Variants in LIMD1 observed in about 807,000 individuals in gnomAD.
LIMD1 encodes LIM domain-containing protein 1.
A neutral mutation model predicts 58.4 loss-of-function variants in LIMD1; 23 were observed. The observed-to-expected ratio is 0.39, with a 90% CI of 0.28 to 0.56. The LOEUF (loss-of-function observed/expected upper bound fraction) is 0.56, where lower values mean the gene tolerates loss of function less well. Ranked by LOEUF, LIMD1 falls within the 20% of genes least tolerant of loss-of-function variation. The probability of loss-of-function intolerance (pLI) is 0.57; values close to 1 mark genes in which losing one functional copy is unlikely to be tolerated. For synonymous variants in LIMD1, 334 were observed against 345.5 expected (o/e 0.97, Z 0.37); for missense variants, 838 against 855.5 (o/e 0.98, Z 0.25).
At chr3:45,611,943 T>A (rs1701528316) in intron 1 of LIMD1, among the ~76,000 whole-genome samples, 1 of 152,042 alleles carries the variant, frequency 6.6e-6, no homozygotes, top group South Asian at 2.1e-4. Context: ...TGCCCAAATT[T>A]GTAGCCAGAG....
At chr3:45,675,974 TG>T (rs757936703) in intron 7 of LIMD1, among the ~76,000 whole-genome samples, 1 of 152,256 alleles carries the variant, frequency 6.6e-6, no homozygotes, top group African/African-American at 2.4e-5. Context: ...AAAATCCTGC[TG>T]GGCGTGGTGG....
At chr3:45,636,746 G>A (rs903940181) in intron 2 of LIMD1, among the ~76,000 whole-genome samples, 3 of 152,202 alleles carry the variant, frequency 2.0e-5, no homozygotes, top group African/African-American at 7.2e-5. Context: ...AGCATGAGGT[G>A]TGTGTGCATG....
intron 2 of LIMD1, among the ~76,000 whole-genome samples, chr3:45,649,848 G>GTTTTTTTTTTTTT (rs367547670): frequency 1.0e-5 from 1 of 97,338 alleles, no homozygotes; most frequent in African/African-American, 3.8e-5. Context: ...AAGTTTTTTT[G>GTTTTTTTTTTTTT]TTTTTTTTTT....
intron 1 of LIMD1, among the ~76,000 whole-genome samples, chr3:45,608,202 A>C (rs1422107525): frequency 6.6e-6 from 1 of 152,072 alleles, no homozygotes; most frequent in African/African-American, 2.4e-5. Context: ...TTCTGTCCTC[A>C]GTTTCTTCAT....
Position 45,630,302 on chromosome 3 carries a change from G to A in LIMD1, c.1409-5848G>A, listed in dbSNP as rs1330599678. Reference sequence around the variant, plus strand: ...GACCACTTAGTGAATGTACAGGTGAGATTGGGCAGCTCACCACCAGTGGTG... The same window carrying A: ...GACCACTTAGTGAATGTACAGGTGAAATTGGGCAGCTCACCACCAGTGGTG... On this transcript the variant is annotated intron_variant, in intron 1 of 7. Transcript: ENST00000273317. Among the ~76,000 whole-genome samples the A allele has an allele frequency of 2.6e-5, 4 of 152,340 alleles. No homozygotes were observed. In the East Asian group the frequency reaches 7.7e-4, roughly 29 times the overall value.
chr3:45,599,783 G>A (rs1476449577), intron 1 of LIMD1, among the ~76,000 whole-genome samples: 1 of 152,258 alleles, frequency 6.6e-6, no homozygotes, highest in African/African-American at 2.4e-5. Flanking sequence ...GTGTCCTTTA[G>A]GTGTGGCTTG....
chr3:45,648,106 A>G (rs34454319), intron 2 of LIMD1, among the ~76,000 whole-genome samples: 152,308 of 152,308 alleles, frequency 1, 76,154 homozygotes, highest in Non-Finnish European at 1. Context: ...GTTTTGGGAA[A>G]AATAGGGACA....
chr3:45,670,950 C>A (rs1697579698), intron 4 of LIMD1, among the ~76,000 whole-genome samples: 2 of 152,286 alleles, frequency 1.3e-5, no homozygotes, highest in South Asian at 4.1e-4. Context: ...CATAGTCTCA[C>A]ATAAAAAAAG....
rs541336287 is a variant in LIMD1, at chr3:45,643,702, A to T, written c.1510+7451A>T. 2.6e-5 allele frequency among the ~76,000 whole-genome samples: 4 copies of T among 152,356 alleles called. No individual in the cohort carries two copies. In the East Asian group the frequency reaches 5.8e-4, roughly 22 times the overall value. ...AATATACTCTCCCCGCCAGAAGCCCATGGAGCAGGGGGGTGCCCACCTTGG... is the reference window on the plus strand; with the variant it reads ...AATATACTCTCCCCGCCAGAAGCCCTTGGAGCAGGGGGGTGCCCACCTTGG... On this transcript the variant is annotated intron_variant, in intron 2 of 7. Transcript: ENST00000273317.
chr3:45,667,279 C>T (rs1256668654), intron 3 of LIMD1, among the ~76,000 whole-genome samples: 2 of 152,180 alleles, frequency 1.3e-5, no homozygotes, highest in Non-Finnish European at 2.9e-5. Context: ...TCTGATGGGC[C>T]AGATCTGTCA....
At chr3:45,599,363 A>C (rs1050705970) in intron 1 of LIMD1, among the ~76,000 whole-genome samples, 1 of 152,106 alleles carries the variant, frequency 6.6e-6, no homozygotes, top group Non-Finnish European at 1.5e-5. Flanking sequence ...GCAACAACCA[A>C]TGTGCATTCT....
chr3:45,673,595 C>A, intron 6 of LIMD1, 90 bp downstream of exon 6: 1 of 1,096,842 alleles, frequency 9.1e-7, no homozygotes, highest in Non-Finnish European at 1.4e-6. Flanking sequence ...CCTGTCCTTA[C>A]AGCTTTTAAG....
At chr3:45,609,072 G>A (rs1701497290) in intron 1 of LIMD1, among the ~76,000 whole-genome samples, 1 of 152,156 alleles carries the variant, frequency 6.6e-6, no homozygotes, top group Non-Finnish European at 1.5e-5. Context: ...AAGAAACAGT[G>A]GATGCTACAT....
At chr3:45,643,690 C>T (rs1039947035) in intron 2 of LIMD1, among the ~76,000 whole-genome samples, 20 of 152,326 alleles carry the variant, frequency 1.3e-4, no homozygotes, top group Non-Finnish European at 2.8e-4. Context: ...ATACTCTCCC[C>T]GCCAGAAGCC....
At chr3:45,672,622 T>C in intron 4 of LIMD1, 68 bp from the exon 5 acceptor site, 1 of 1,553,736 alleles carries the variant, frequency 6.4e-7, no homozygotes, top group South Asian at 1.1e-5. Context: ...AGGCCTGATG[T>C]GTTCCTCTCC....
rs1298310714 is a variant in LIMD1 at position 45,684,668 on chromosome 3, A to T, written c.*7609A>T. On this transcript the variant is annotated 3_prime_UTR_variant, in exon 8 of 8. Transcript: ENST00000273317. ...TAGAGCCCAAGGGATTGGTTTGACCAGGTGTGCCATTTACATAGCCCTCGA... is the reference window on the plus strand; with the variant it reads ...TAGAGCCCAAGGGATTGGTTTGACCTGGTGTGCCATTTACATAGCCCTCGA... The T allele has an allele frequency of 1.3e-5, 2 of 152,250 alleles. No individual in the cohort carries two copies. The highest frequency in any genetic ancestry group is 2.9e-5 in the Non-Finnish European group (2 of 68,060). The allele number at this position is 152,250 out of a possible 1,614,324, so 9.4% of individuals were successfully genotyped here. A position where few individuals can be genotyped will look rare whatever the true frequency, so the allele number is the denominator to read the frequency against.
chr3:45,649,871 C>A (rs561552248), intron 2 of LIMD1, among the ~76,000 whole-genome samples: 3,940 of 72,590 alleles, frequency 0.054, 79 homozygotes, highest in Non-Finnish European at 0.069. Context: ...TTACTATTTT[C>A]TCCCTTTTTT....
At chr3:45,629,678 A>G (rs1350265366) in intron 1 of LIMD1, among the ~76,000 whole-genome samples, 1 of 152,164 alleles carries the variant, frequency 6.6e-6, no homozygotes, top group Non-Finnish European at 1.5e-5. Context: ...CGAGAGGAAC[A>G]CATCAGCGGA....
intron 1 of LIMD1, among the ~76,000 whole-genome samples, chr3:45,599,458 TAAGC>T (rs1472453200): frequency 2.6e-5 from 4 of 152,164 alleles, no homozygotes; most frequent in South Asian, 2.1e-4. Context: ...ACTTCACAGA[TAAGC>T]AAGCACGCAC....
Sources: gnomAD v4.1 joint callset for allele counts (sites outside exome capture counted in the v4.1 genomes callset) on GRCh38, gnomAD v4.1.1 for gene constraint, MANE v1.5 for transcripts, NCBI Gene and HGNC (gene_info 2026-07-23, HGNC 2026-07-21) for gene names.